The following TSGA10 variants were observed in gnomAD, a reference collection of about 807,000 sequenced individuals.
TSGA10 encodes the protein testis-specific gene 10 protein.
TSGA10 carries 43 observed loss-of-function variants against 96.6 expected under a neutral mutation model. The observed-to-expected ratio is 0.44, with a 90% CI of 0.35 to 0.57. The LOEUF is 0.57. Ranked by LOEUF, TSGA10 falls within the 20% of genes least tolerant of loss-of-function variation. The pLI, the probability that TSGA10 is intolerant of heterozygous loss-of-function variation, is 0.01. For missense variants in TSGA10, 703 were observed against 834.4 expected, an observed-to-expected ratio of 0.84 and a Z score of 1.94; for synonymous variants, 229 against 269.9, an observed-to-expected ratio of 0.85 and a Z score of 1.48.
At chr2:99,125,321 G>A (rs898863553) in intron 2 of TSGA10, 4 of 152,132 alleles carry the variant, frequency 2.6e-5, no homozygotes, top group African/African-American at 7.2e-5. Flanking sequence ...TTATAATAAT[G>A]CTGCTATAAA....
chr2:99,040,241 T>A (rs867544390), intron 16 of TSGA10, among the ~76,000 whole-genome samples: 5 of 152,234 alleles, frequency 3.3e-5, no homozygotes, highest in Middle Eastern at 3.4e-3. Flanking sequence ...CTACTTCTAT[T>A]CAACATAGTA....
chr2:99,019,340 T>C (rs761266499), intron 18 of TSGA10, among the ~76,000 whole-genome samples: 1 of 152,178 alleles, frequency 6.6e-6, no homozygotes, highest in Non-Finnish European at 1.5e-5. Context: ...AGTATAGCCC[T>C]TAGGGTGGAA....
At chr2:99,056,555 G>A (rs1053027621) in intron 16 of TSGA10, among the ~76,000 whole-genome samples, 3 of 151,982 alleles carry the variant, frequency 2.0e-5, no homozygotes, top group African/African-American at 7.2e-5. Flanking sequence ...AAATTGATTA[G>A]CAATTTTAAT....
chr2:99,123,924 A>C (rs1288509704), intron 2 of TSGA10, among the ~76,000 whole-genome samples: 1 of 152,240 alleles, frequency 6.6e-6, no homozygotes. Flanking sequence ...ACTGTGAATA[A>C]TGCTGCTATG....
At chr2:99,064,334 T>C (rs967848925) in intron 16 of TSGA10, among the ~76,000 whole-genome samples, 2 of 152,206 alleles carry the variant, frequency 1.3e-5, no homozygotes, top group Non-Finnish European at 2.9e-5. Flanking sequence ...GTACACTATA[T>C]ATATATCAAA....
chr2:99,015,605 C>T (rs1401958271), intron 20 of TSGA10, among the ~76,000 whole-genome samples: 1 of 152,162 alleles, frequency 6.6e-6, no homozygotes, highest in Non-Finnish European at 1.5e-5. Context: ...AGGATGCCCA[C>T]TTTCATCGCT....
intron 10 of TSGA10, among the ~76,000 whole-genome samples, chr2:99,098,451 A>AAAAAAG (rs2090325601): frequency 7.8e-6 from 1 of 128,628 alleles, no homozygotes; most frequent in African/African-American, 2.7e-5. Context: ...AAAAAAAAAA[A>AAAAAAG]AAAAGAAAAG....
rs570072770 is a variant in TSGA10 at position 99,034,317 on chromosome 2, G to A, written c.1614+913C>T. ...CTCGGGAGGCTGAGGCAGGAGAATC[G>A]CTTGAACCAGGGAGTCGGAGGTTGC... On this transcript the variant is annotated intron_variant, in intron 17 of 20. Coordinates refer to ENST00000393483, the MANE Select transcript of TSGA10 (RefSeq NM_025244.4). 2.0e-4 allele frequency among the ~76,000 whole-genome samples: 31 copies of A among 152,002 alleles called. No individual in the cohort carries two copies. In the South Asian group the frequency reaches 3.3e-3, roughly 16 times the overall value.
At chr2:99,108,809 A>G in intron 7 of TSGA10, 24 bp downstream of exon 7, 1 of 1,488,600 alleles carries the variant, frequency 6.7e-7, no homozygotes, top group Non-Finnish European at 9.0e-7. Context: ...TATTACTTAT[A>G]TAATTTGTTT....
At chr2:99,035,115 T>G in intron 17 of TSGA10, 115 bp downstream of exon 17, 2 of 738,950 alleles carry the variant, frequency 2.7e-6, no homozygotes, top group South Asian at 4.5e-5. Context: ...AAATAAAATC[T>G]AAGTTCAAAG....
At chr2:99,097,166 G>A (rs2090147382) in intron 10 of TSGA10, among the ~76,000 whole-genome samples, 2 of 151,990 alleles carry the variant, frequency 1.3e-5, no homozygotes, top group Non-Finnish European at 2.9e-5. Flanking sequence ...ATACAATTGT[G>A]TACATTCATC....
intron 16 of TSGA10, among the ~76,000 whole-genome samples, chr2:99,051,024 C>A (rs1248131367): frequency 6.6e-6 from 1 of 152,108 alleles, no homozygotes; most frequent in Non-Finnish European, 1.5e-5. Flanking sequence ...TTCCATATAG[C>A]CTAGGTGTTA....
At chr2:99,109,059 G>A in intron 6 of TSGA10, 68 bp from the exon 7 acceptor site, 1 of 1,157,360 alleles carries the variant, frequency 8.6e-7, no homozygotes, top group Non-Finnish European at 1.2e-6. Context: ...GCTACTGATG[G>A]TAGTGCCCAA....
At chr2:99,074,351 CGTGTGTGTGT>C (rs147220063) in intron 12 of TSGA10, among the ~76,000 whole-genome samples, 4 of 145,038 alleles carry the variant, frequency 2.8e-5, no homozygotes, top group South Asian at 2.2e-4. Flanking sequence ...CACATATTTG[CGTGTGTGTGT>C]GTGTGTGTGT....
intron 10 of TSGA10, among the ~76,000 whole-genome samples, chr2:99,087,631 T>A (rs997677895): frequency 2.0e-5 from 3 of 152,184 alleles, no homozygotes; most frequent in African/African-American, 7.2e-5. Context: ...GAGGCTACAG[T>A]GAGCTGTCAT....
intron 20 of TSGA10, among the ~76,000 whole-genome samples, chr2:98,998,793 A>C (rs923795536): frequency 6.6e-6 from 1 of 152,162 alleles, no homozygotes; most frequent in African/African-American, 2.4e-5. Context: ...TCAATATCCC[A>C]GTTTGTAAGA....
chr2:99,028,592 T>C (rs1349779), intron 17 of TSGA10, among the ~76,000 whole-genome samples: 54,823 of 151,720 alleles, frequency 0.36, 11,148 homozygotes, highest in African/African-American at 0.55. Context: ...TTTGCACCCC[T>C]TGTCCAACGT....
chr2:99,108,673 T>C (rs940729581), intron 7 of TSGA10, among the ~76,000 whole-genome samples, 160 bp downstream of exon 7: 6 of 152,178 alleles, frequency 3.9e-5, no homozygotes, highest in Non-Finnish European at 8.8e-5. Context: ...ATTGGAAATG[T>C]ACTACATTTC....
intron 2 of TSGA10, among the ~76,000 whole-genome samples, chr2:99,120,795 C>T (rs1480249971): frequency 6.6e-6 from 1 of 152,128 alleles, no homozygotes; most frequent in Non-Finnish European, 1.5e-5. Context: ...AGATATAGAA[C>T]TGTTCCATTA....
Sources: allele counts gnomAD v4.1 joint callset (sites outside exome capture counted in the v4.1 genomes callset), GRCh38; gene constraint gnomAD v4.1.1; transcripts MANE v1.5; gene names NCBI Gene and HGNC (gene_info 2026-07-23, HGNC 2026-07-21).